TCF4: variants seen among roughly 807,000 people sequenced by gnomAD.
TCF4 encodes the protein SL3-3 enhancer factor 2.
In TCF4, 3 loss-of-function variants were observed where a neutral mutation model predicts 82.1. That is an observed-to-expected ratio of 0.04 (90% CI 0.02 to 0.09). TCF4 has a LOEUF of 0.09. Ranked by LOEUF, TCF4 falls within the 10% of genes least tolerant of loss-of-function variation. The pLI is 1.00. For missense variants in TCF4, 518 were observed against 852.7 expected, an observed-to-expected ratio of 0.61 and a Z score of 4.89; for synonymous variants, 276 against 309.6, an observed-to-expected ratio of 0.89 and a Z score of 1.14.
At chr18:55,346,688 T>A (rs1406651080) in intron 8 of TCF4, among the ~76,000 whole-genome samples, 3 of 152,200 alleles carry the variant, frequency 2.0e-5, no homozygotes, top group African/African-American at 7.2e-5. Context: ...AGTAGAAAGT[T>A]TGTAGTTGTT....
At chr18:55,621,545 T>TAATA (rs1568500547) in intron 2 of TCF4, among the ~76,000 whole-genome samples, 1 of 5,532 alleles carries the variant, frequency 1.8e-4, no homozygotes, top group African/African-American at 5.9e-4. Context: ...ATATATTATA[T>TAATA]TATATATTAT....
intron 3 of TCF4, among the ~76,000 whole-genome samples, chr18:55,574,482 G>A (rs896513827): frequency 6.6e-6 from 1 of 151,970 alleles, no homozygotes; most frequent in Non-Finnish European, 1.5e-5. Flanking sequence ...CTGCCACCAC[G>A]CCCAGCTAAT....
chr18:55,365,987 T>C (rs1057091937), intron 6 of TCF4, among the ~76,000 whole-genome samples: 1 of 68,474 alleles, frequency 1.5e-5, no homozygotes, highest in Non-Finnish European at 2.9e-5. Flanking sequence ...GATATAGATA[T>C]AGATATAGAT....
chr18:55,448,989 C>G lies in TCF4; in HGVS notation c.304+12030G>C, dbSNP rs890839888. On this transcript the variant is annotated intron_variant, in intron 5 of 19. Coordinates refer to ENST00000354452, the MANE Select transcript of TCF4 (RefSeq NM_001083962.2). The stretch of plus-strand genomic sequence containing the variant: ...TGTTCAAACTATACCTACGACTTTG[C>G]GAAAAATGGAAAATGTAATCACACA... 3.3e-5 allele frequency among the ~76,000 whole-genome samples: 5 copies of G among 152,006 alleles called. No homozygotes were observed. In the South Asian group the frequency reaches 1.0e-3, roughly 32 times the overall value.
At chr18:55,460,394 G>A (rs914706854) in intron 5 of TCF4, among the ~76,000 whole-genome samples, 1 of 152,036 alleles carries the variant, frequency 6.6e-6, no homozygotes, top group East Asian at 1.9e-4. Context: ...AAAACATGCT[G>A]AGGATGCCAG....
intron 2 of TCF4, chr18:55,585,644 T>C (rs182871930): frequency 1.3e-4 from 84 of 626,942 alleles, no homozygotes; most frequent in Admixed American, 5.5e-4. Context: ...AAGATTCAGG[T>C]TGGAGGCCAG....
At chr18:55,580,190 T>C (rs1054947533) in intron 3 of TCF4, among the ~76,000 whole-genome samples, 2 of 151,980 alleles carry the variant, frequency 1.3e-5, no homozygotes, top group Non-Finnish European at 2.9e-5. Context: ...ATTTAGAAAA[T>C]GTAACATTTT....
intron 2 of TCF4, among the ~76,000 whole-genome samples, chr18:55,620,037 G>T (rs2097716106): frequency 6.6e-6 from 1 of 152,156 alleles, no homozygotes; most frequent in Non-Finnish European, 1.5e-5. Flanking sequence ...GTGACAGTGA[G>T]TGAGTTCTCA....
intron 8 of TCF4, among the ~76,000 whole-genome samples, chr18:55,341,601 T>A (rs910708419): frequency 1.3e-5 from 2 of 152,200 alleles, no homozygotes; most frequent in Non-Finnish European, 2.9e-5. Flanking sequence ...TTATGTCTAG[T>A]GCAGTGTTTT....
chr18:55,552,328 ATAATT>A (rs886258116), intron 3 of TCF4, among the ~76,000 whole-genome samples: 4 of 152,222 alleles, frequency 2.6e-5, no homozygotes, highest in African/African-American at 9.6e-5. Context: ...TATATAATAC[ATAATT>A]TAAGTTTAAT....
At chr18:55,345,474 C>G (rs2080986011) in intron 8 of TCF4, among the ~76,000 whole-genome samples, 1 of 152,144 alleles carries the variant, frequency 6.6e-6, no homozygotes, top group South Asian at 2.1e-4. Flanking sequence ...TTTGAGATGA[C>G]TTAATTGTGC....
At chr18:55,319,983 C>A (rs2075093933) in intron 8 of TCF4, among the ~76,000 whole-genome samples, 1 of 152,138 alleles carries the variant, frequency 6.6e-6, no homozygotes, top group Non-Finnish European at 1.5e-5. Context: ...GTAAGTCTTT[C>A]ATTACGGATA....
chr18:55,415,971 T>C lies in TCF4; in HGVS notation c.305-12453A>G, dbSNP rs146274678. 3.8e-3 allele frequency among the ~76,000 whole-genome samples: 579 copies of C among 152,350 alleles called. 2 individuals carry two copies. Among genetic ancestry groups the C allele is most frequent in the Non-Finnish European group, 5.9e-3 (404 of 68,036 alleles). ...CCCTAAAGCAATCAAATATGTAGCA[T>C]TTAAAGAATAAATTGAGATACATAA... On this transcript the variant is annotated intron_variant, in intron 5 of 19. Transcript: ENST00000354452.
rs2046695790 is a variant in TCF4, at chr18:55,227,123, T to C, written c.*912A>G. On this transcript the variant is annotated 3_prime_UTR_variant, in exon 20 of 20. Coordinates refer to ENST00000354452, the MANE Select transcript of TCF4 (RefSeq NM_001083962.2). ...GTTCCCAAAAGACTGGAGAAACAAC[T>C]TTCTACTTATTTATGAATGAGAAGC... 6.6e-6 allele frequency: 1 copy of C among 152,426 alleles called. No homozygotes were observed. Among genetic ancestry groups the C allele is most frequent in the African/African-American group, 2.4e-5 (1 of 41,378 alleles). The allele number at this position is 152,426 out of a possible 1,614,324, so 9.4% of individuals were successfully genotyped here. A position where few individuals can be genotyped will look rare whatever the true frequency, so the allele number is the denominator to read the frequency against.
intron 5 of TCF4, among the ~76,000 whole-genome samples, chr18:55,445,226 C>T (rs1225910822): frequency 6.6e-6 from 1 of 152,022 alleles, no homozygotes. Flanking sequence ...CACAAGAGAC[C>T]CTTCATTTCT....
chr18:55,398,592 A>G (rs1248597033), intron 6 of TCF4, among the ~76,000 whole-genome samples: 1 of 152,206 alleles, frequency 6.6e-6, no homozygotes, highest in Non-Finnish European at 1.5e-5. Context: ...ACAGCATGTT[A>G]GAAGGAAGAG....
At chr18:55,631,431 C>T in intron 1 of TCF4, 1 of 1,535,092 alleles carries the variant, frequency 6.5e-7, no homozygotes, top group Non-Finnish European at 8.8e-7. Context: ...AGAATGAAGG[C>T]AGGTAGACAA....
intron 5 of TCF4, among the ~76,000 whole-genome samples, chr18:55,429,792 A>G (rs969261480): frequency 6.9e-6 from 1 of 144,588 alleles, no homozygotes; most frequent in Non-Finnish European, 1.5e-5. Flanking sequence ...AAAAAAAACA[A>G]TTTGGTCAGT....
intron 6 of TCF4, among the ~76,000 whole-genome samples, chr18:55,352,554 T>A (rs983510259): frequency 6.6e-5 from 10 of 152,112 alleles, no homozygotes; most frequent in African/African-American, 1.9e-4. Context: ...AGTAATAAAC[T>A]CATTGCTAGT....
Sources: allele counts gnomAD v4.1 joint callset (sites outside exome capture counted in the v4.1 genomes callset), GRCh38; gene constraint gnomAD v4.1.1; transcripts MANE v1.5; gene names NCBI Gene and HGNC (gene_info 2026-07-23, HGNC 2026-07-21).